STXBP5L: variants seen among roughly 807,000 people sequenced by gnomAD.
The protein encoded by STXBP5L is syntaxin binding protein 5L, also known as syntaxin-binding protein 5-like.
In STXBP5L, 65 loss-of-function variants were observed where a neutral mutation model predicts 144.5. The observed-to-expected ratio is 0.45, with a 90% confidence interval of 0.37 to 0.55. The LOEUF (loss-of-function observed/expected upper bound fraction) is 0.55, where lower values mean the gene tolerates loss of function less well. Ranked by LOEUF, STXBP5L falls within the 20% of genes least tolerant of loss-of-function variation. The pLI, the probability that STXBP5L is intolerant of heterozygous loss-of-function variation, is 0.00. For missense variants in STXBP5L, 1,298 were observed against 1,405.5 expected (o/e 0.92, Z 1.22); for synonymous variants, 505 against 469.6 (o/e 1.08, Z -0.97).
rs2050019619 is a variant in STXBP5L, at chr3:121,251,335, G to T, written c.1441+572G>T. On this transcript the variant is annotated intron_variant, in intron 15 of 26. Transcript: ENST00000471454. ...AATTGTAGTCATTAGAAAAGATAAA[G>T]AAATGCACATATATAACTATAGGGA... Among the ~76,000 whole-genome samples the T allele has an allele frequency of 2.0e-5, 3 of 152,216 alleles. No homozygotes were observed. The South Asian group carries it at 6.2e-4, about 32-fold the overall frequency.
Position 120,933,402 on chromosome 3 carries a change from A to G in STXBP5L, c.190-21538A>G, listed in dbSNP as rs550566088. On this transcript the variant is annotated intron_variant, in intron 2 of 26. Transcript: ENST00000471454. The stretch of plus-strand genomic sequence containing the variant: ...CACTGCAAACATTCTATACTGATGG[A>G]GTAGTGTCACTGCTGTTTTTTTCAA... Among the ~76,000 whole-genome samples, 4 of 152,254 alleles carry G rather than the reference A, an allele frequency of 2.6e-5. No homozygotes were observed. In the East Asian group the frequency reaches 7.7e-4, roughly 29 times the overall value.
chr3:121,183,806 C>T (rs2047260438), intron 9 of STXBP5L, among the ~76,000 whole-genome samples: 1 of 152,076 alleles, frequency 6.6e-6, no homozygotes, highest in African/African-American at 2.4e-5. Flanking sequence ...ACACCTCATA[C>T]AGGAGAGCTC....
intron 19 of STXBP5L, among the ~76,000 whole-genome samples, chr3:121,283,473 T>A (rs2051128254): frequency 6.6e-6 from 1 of 152,060 alleles, no homozygotes; most frequent in South Asian, 2.1e-4. Context: ...TTGGTATCTA[T>A]GTTGGCTTCT....
chr3:121,387,104 G>C (rs1358251097), intron 22 of STXBP5L, among the ~76,000 whole-genome samples: 1 of 152,214 alleles, frequency 6.6e-6, no homozygotes, highest in African/African-American at 2.4e-5. Context: ...ATTCTAACGG[G>C]TGTGAGATGG....
chr3:121,387,614 T>C (rs2046458307), intron 22 of STXBP5L, among the ~76,000 whole-genome samples: 1 of 152,252 alleles, frequency 6.6e-6, no homozygotes, highest in Admixed American at 6.5e-5. Flanking sequence ...GTTTCAGCTT[T>C]CTACATATGG....
chr3:121,350,882 A>C (rs1329533202), intron 20 of STXBP5L, among the ~76,000 whole-genome samples: 1 of 151,964 alleles, frequency 6.6e-6, no homozygotes, highest in Non-Finnish European at 1.5e-5. Context: ...CAAGGTTTTT[A>C]ACTTCTTTGC....
At chr3:121,279,226 T>A (rs370050984) in intron 18 of STXBP5L, among the ~76,000 whole-genome samples, 4 of 151,872 alleles carry the variant, frequency 2.6e-5, no homozygotes, top group African/African-American at 9.7e-5. Flanking sequence ...AAGTAATTAA[T>A]CAAATGGTCT....
Position 121,254,962 on chromosome 3 carries a change from A to G in STXBP5L, c.1509A>G (p.Gly503=), listed in dbSNP as rs748305974. 4 of 1,613,500 alleles carry G rather than the reference A, an allele frequency of 2.5e-6. No individual in the cohort carries two copies. The highest frequency in any genetic ancestry group is 3.4e-6 in the Non-Finnish European group (4 of 1,179,700). Reference sequence around the variant, plus strand: ...TTGAAAAACAGAAGGTAGGAGAAGGAAAACAAACATGTGAAATTGTAGAGG... The same window carrying G: ...TTGAAAAACAGAAGGTAGGAGAAGGGAAACAAACATGTGAAATTGTAGAGG... The part of the protein sequence containing the change: ...KVFEKQKVGE[G]KQTCEIVEED... Residue 503 remains glycine, a synonymous_variant, in exon 16 of 27, where the codon GGA becomes GGG. Coordinates refer to ENST00000471454, the MANE Select transcript of STXBP5L (RefSeq NM_001308330.2).
At chr3:121,252,775 GTTAGGAAT>G (rs963995928) in intron 15 of STXBP5L, among the ~76,000 whole-genome samples, 1 of 152,198 alleles carries the variant, frequency 6.6e-6, no homozygotes, top group Non-Finnish European at 1.5e-5. Context: ...GTTTCTGTGT[GTTAGGAAT>G]TTGATTATAC....
At chr3:121,044,058 C>G (rs923734440) in intron 4 of STXBP5L, among the ~76,000 whole-genome samples, 4 of 151,988 alleles carry the variant, frequency 2.6e-5, no homozygotes, top group African/African-American at 7.2e-5. Flanking sequence ...AACAGGCAAA[C>G]AAACACAAAA....
chr3:121,071,961 G>A (rs1263300406), intron 5 of STXBP5L, among the ~76,000 whole-genome samples: 1 of 152,138 alleles, frequency 6.6e-6, no homozygotes, highest in Non-Finnish European at 1.5e-5. Context: ...GAGTTTCTTG[G>A]CAAAACTTTA....
At chr3:121,303,959 C>T (rs1559954656) in intron 19 of STXBP5L, among the ~76,000 whole-genome samples, 2 of 151,492 alleles carry the variant, frequency 1.3e-5, no homozygotes, top group African/African-American at 4.9e-5. Context: ...AGCACACAAA[C>T]ATGGCACATG....
intron 20 of STXBP5L, among the ~76,000 whole-genome samples, chr3:121,353,041 C>T (rs1448338844): frequency 1.3e-5 from 2 of 152,136 alleles, no homozygotes; most frequent in Non-Finnish European, 2.9e-5. Flanking sequence ...CCAGCCTGAT[C>T]GTGTTGGATA....
intron 3 of STXBP5L, among the ~76,000 whole-genome samples, chr3:120,989,246 A>G (rs9877038): frequency 0.099 from 15,108 of 152,132 alleles, 1,182 homozygotes; most frequent in Admixed American, 0.2. Flanking sequence ...TTTACATTCC[A>G]ACAAGCAATG....
chr3:121,151,298 A>G (rs1174259440), intron 7 of STXBP5L, among the ~76,000 whole-genome samples: 1 of 152,184 alleles, frequency 6.6e-6, no homozygotes, highest in Non-Finnish European at 1.5e-5. Flanking sequence ...TCAAGTTAAC[A>G]TGTAAAAAGC....
At chr3:121,348,414 TTC>T (rs1250165298) in intron 20 of STXBP5L, among the ~76,000 whole-genome samples, 1 of 152,116 alleles carries the variant, frequency 6.6e-6, no homozygotes, top group Non-Finnish European at 1.5e-5. Flanking sequence ...TGGTCTAAAA[TTC>T]TCTTTTTTTG....
intron 5 of STXBP5L, among the ~76,000 whole-genome samples, chr3:121,102,052 G>T (rs1373746922): frequency 6.6e-6 from 1 of 151,994 alleles, no homozygotes; most frequent in Non-Finnish European, 1.5e-5. Context: ...ACAGCTGAAA[G>T]AAATCATAGG....
intron 5 of STXBP5L, among the ~76,000 whole-genome samples, chr3:121,054,579 G>T (rs951582775): frequency 7.9e-6 from 1 of 126,278 alleles, no homozygotes; most frequent in Non-Finnish European, 1.6e-5. Flanking sequence ...TCACACTCCA[G>T]GGCCTGTTGT....
At chr3:120,913,050 C>A (rs1401492158) in intron 2 of STXBP5L, among the ~76,000 whole-genome samples, 1 of 151,956 alleles carries the variant, frequency 6.6e-6, no homozygotes, top group Admixed American at 6.6e-5. Context: ...ACTGCCACCT[C>A]AACTACCCAC....
Sources: allele counts gnomAD v4.1 joint callset (sites outside exome capture counted in the v4.1 genomes callset), GRCh38; gene constraint gnomAD v4.1.1; transcripts MANE v1.5; gene names NCBI Gene and HGNC (gene_info 2026-07-23, HGNC 2026-07-21).